The following MAGI1 variants were observed in gnomAD, a reference collection of about 807,000 sequenced individuals.
The protein encoded by MAGI1 is membrane associated guanylate kinase, WW and PDZ domain containing 1.
In MAGI1, 58 loss-of-function variants were observed where a neutral mutation model predicts 139.9. The observed-to-expected ratio is 0.41, with a 90% confidence interval of 0.34 to 0.52. The LOEUF (loss-of-function observed/expected upper bound fraction) is 0.52, where lower values mean the gene tolerates loss of function less well. Among genes scored for constraint, MAGI1 ranks in the 20% least tolerant of loss-of-function variants. The pLI, the probability that MAGI1 is intolerant of heterozygous loss-of-function variation, is 0.12. For missense variants in MAGI1, 1,874 were observed against 1,901.6 expected (o/e 0.99, Z 0.27); for synonymous variants, 812 against 737.9 (o/e 1.10, Z -1.63).
chr3:65,609,765 TG>T (rs757580555), intron 2 of MAGI1: 8 of 344,556 alleles, frequency 2.3e-5, no homozygotes, highest in South Asian at 1.9e-4. Context: ...TTTGTAGAGA[TG>T]GGGTCTCCCA....
At position 65,676,239 on chromosome 3, in the gene MAGI1, A is replaced by T. The variant is rs548832971; in HGVS notation, c.314-54151T>A. Among the ~76,000 whole-genome samples the T allele has an allele frequency of 1.2e-3, 181 of 152,192 alleles. 3 individuals are homozygous for T. The highest frequency in any genetic ancestry group is 2.2e-3 in the Non-Finnish European group (150 of 68,042). ...AAAAAGAAATGAGACTTACGCACTC[A>T]CACATGACAATGATGAGGATAGATG... On this transcript the variant is annotated intron_variant, in intron 1 of 22. Coordinates refer to ENST00000402939, the MANE Select transcript of MAGI1 (RefSeq NM_001033057.2).
chr3:65,477,724 T>TTA (rs1553650545), intron 4 of MAGI1, among the ~76,000 whole-genome samples: 44 of 147,334 alleles, frequency 3.0e-4, no homozygotes, highest in Admixed American at 5.5e-4. Context: ...TTTTTTTTTT[T>TTA]ATTTATATTT....
At chr3:65,869,868 G>A (rs2059877596) in intron 1 of MAGI1, among the ~76,000 whole-genome samples, 2 of 152,134 alleles carry the variant, frequency 1.3e-5, no homozygotes, top group Admixed American at 1.3e-4. Context: ...CTTATTTCAT[G>A]AGAATGAGAA....
At chr3:65,453,087 C>T in intron 6 of MAGI1, 171 bp downstream of exon 6, 1 of 608,502 alleles carries the variant, frequency 1.6e-6, no homozygotes, top group South Asian at 2.1e-5. Context: ...TCTCTTGAAA[C>T]AACTCTGACT....
chr3:65,472,654 A>G (rs1950620773), intron 4 of MAGI1, among the ~76,000 whole-genome samples: 2 of 152,174 alleles, frequency 1.3e-5, no homozygotes. Context: ...AGAGTGGTGC[A>G]GTCTCTGGCT....
In MAGI1 at chr3:65,887,664, G is replaced by A. The variant is rs1241478738; in HGVS notation, c.313+150332C>T. 2.0e-5 allele frequency among the ~76,000 whole-genome samples: 3 copies of A among 152,056 alleles called. No individual in the cohort carries two copies. In the East Asian group the frequency reaches 5.8e-4, roughly 29 times the overall value. ...AAATAAAAATTCTATGTCTGGTTAGGACGTTAATAAGCTCACAATCATAGG... is the reference window on the plus strand; with the variant it reads ...AAATAAAAATTCTATGTCTGGTTAGAACGTTAATAAGCTCACAATCATAGG... On this transcript the variant is annotated intron_variant, in intron 1 of 22. Transcript: ENST00000402939.
intron 1 of MAGI1, among the ~76,000 whole-genome samples, chr3:66,004,186 C>T (rs2066894757): frequency 6.6e-6 from 1 of 152,158 alleles, no homozygotes; most frequent in African/African-American, 2.4e-5. Context: ...AAATAAGCCA[C>T]CTCAACTTTG....
Position 65,819,875 on chromosome 3 carries a change from CAAAAA to C in MAGI1, c.314-197792_314-197788del, listed in dbSNP as rs3077818. Among the ~76,000 whole-genome samples the C allele has an allele frequency of 9.3e-4, 31 of 33,476 alleles. 2 individuals carry two copies. Among genetic ancestry groups the C allele is most frequent in the East Asian group, 5.3e-3 (6 of 1,126 alleles). 22.0% of individuals were successfully genotyped at this position (33,476 alleles called of 152,430 possible). On this transcript the variant is annotated intron_variant, in intron 1 of 22. Coordinates refer to ENST00000402939, the MANE Select transcript of MAGI1 (RefSeq NM_001033057.2). ...CTAGCCACAGAGCAAGACTCCATCT[CAAAAA>C]AAAAAAAAAAAAAAAAAGGAAGGTT...
At chr3:65,386,281 G>C (rs568797586) in intron 14 of MAGI1, among the ~76,000 whole-genome samples, 2 of 149,594 alleles carry the variant, frequency 1.3e-5, no homozygotes, top group Non-Finnish European at 3.0e-5. Flanking sequence ...TTCCTTCTGA[G>C]AATCAGTGGT....
intron 1 of MAGI1, among the ~76,000 whole-genome samples, chr3:65,812,478 A>ACACACACACACG (rs1336774295): frequency 2.4e-5 from 3 of 126,082 alleles, no homozygotes; most frequent in Admixed American, 1.8e-4. Flanking sequence ...TCACACACAC[A>ACACACACACACG]CACACACACA....
chr3:65,671,093 C>T (rs6796786), intron 1 of MAGI1, among the ~76,000 whole-genome samples: 27,400 of 152,068 alleles, frequency 0.18, 3,374 homozygotes, highest in Non-Finnish European at 0.28. Flanking sequence ...TACATTACTC[C>T]TCACCACAAC....
chr3:65,826,688 C>A (rs1462903667), intron 1 of MAGI1, among the ~76,000 whole-genome samples: 1 of 152,180 alleles, frequency 6.6e-6, no homozygotes, highest in Non-Finnish European at 1.5e-5. Flanking sequence ...TCTCTAATTA[C>A]ATTAAGGGCA....
chr3:65,704,971 C>T (rs1203485892), intron 1 of MAGI1, among the ~76,000 whole-genome samples: 2 of 151,992 alleles, frequency 1.3e-5, no homozygotes, highest in East Asian at 3.9e-4. Context: ...CCTCAAATCC[C>T]CAACCAATTA....
intron 12 of MAGI1, among the ~76,000 whole-genome samples, chr3:65,428,859 A>T (rs1237105326): frequency 1.3e-5 from 2 of 152,190 alleles, no homozygotes; most frequent in African/African-American, 4.8e-5. Flanking sequence ...GCCCTCTCTC[A>T]TAAGGAGACC....
intron 1 of MAGI1, among the ~76,000 whole-genome samples, chr3:65,774,396 G>A (rs2038201358): frequency 6.6e-6 from 1 of 152,178 alleles, no homozygotes; most frequent in African/African-American, 2.4e-5. Flanking sequence ...AGCAAAAATT[G>A]TGTCCTGTAT....
chr3:65,771,718 T>C (rs2037968390), intron 1 of MAGI1, among the ~76,000 whole-genome samples: 2 of 152,196 alleles, frequency 1.3e-5, no homozygotes, highest in South Asian at 2.1e-4. Flanking sequence ...CAAAATCTAA[T>C]GGATTTAATT....
At chr3:65,852,979 C>CAAAAAAAAAAA (rs57460083) in intron 1 of MAGI1, among the ~76,000 whole-genome samples, 2 of 104,230 alleles carry the variant, frequency 1.9e-5, no homozygotes, top group Admixed American at 9.7e-5. Context: ...ACTAAAAATA[C>CAAAAAAAAAAA]AAAAAAAAAA....
At chr3:65,569,634 T>C (rs2080847629) in intron 2 of MAGI1, among the ~76,000 whole-genome samples, 1 of 152,088 alleles carries the variant, frequency 6.6e-6, no homozygotes, top group South Asian at 2.1e-4. Flanking sequence ...CCCAGCACTT[T>C]GAGAGGCCAA....
chr3:65,516,773 G>A (rs1174892251), intron 2 of MAGI1, among the ~76,000 whole-genome samples: 4 of 126,646 alleles, frequency 3.2e-5, no homozygotes, highest in Non-Finnish European at 6.4e-5. Context: ...TGTGGCCCAG[G>A]CTGGAGTGCA....
Sources: gnomAD v4.1 joint callset for allele counts (sites outside exome capture counted in the v4.1 genomes callset) on GRCh38, gnomAD v4.1.1 for gene constraint, MANE v1.5 for transcripts, NCBI Gene and HGNC (gene_info 2026-07-23, HGNC 2026-07-21) for gene names.